CATSPERT: variants seen among roughly 807,000 people sequenced by gnomAD.
CATSPERT encodes the protein cation channel sperm-associated targeting subunit tau.
At chr2:201,563,360 C>CG in the CATSPERT span, among the ~76,000 whole-genome samples, 374 of 128,316 alleles carry the variant, frequency 2.9e-3, 19 homozygotes, top group African/African-American at 0.011. Flanking sequence ...GCTGGCCGGG[C>CG]GGGGGGCTTG....
At chr2:201,500,752 G>A in the CATSPERT span, among the ~76,000 whole-genome samples, 2 of 151,918 alleles carry the variant, frequency 1.3e-5, no homozygotes, top group Non-Finnish European at 1.5e-5. Context: ...ACGATTTAAG[G>A]CACTGTTTCT....
the CATSPERT span, among the ~76,000 whole-genome samples, chr2:201,608,205 T>C: frequency 6.6e-6 from 1 of 152,128 alleles, no homozygotes; most frequent in Non-Finnish European, 1.5e-5. Flanking sequence ...TGGAATGCAG[T>C]GGTACAATCA....
At chr2:201,528,804 A>G in the CATSPERT span, among the ~76,000 whole-genome samples, 1 of 152,260 alleles carries the variant, frequency 6.6e-6, no homozygotes, top group East Asian at 1.9e-4. Flanking sequence ...TACCTATTGG[A>G]TACAATATTT....
chr2:201,498,477 T>A, the CATSPERT span, among the ~76,000 whole-genome samples: 1 of 152,256 alleles, frequency 6.6e-6, no homozygotes, highest in South Asian at 2.1e-4. Context: ...TTGTTCTAGC[T>A]GAGCTGGCAC....
At chr2:201,598,771 G>C in the CATSPERT span, among the ~76,000 whole-genome samples, 81 of 152,136 alleles carry the variant, frequency 5.3e-4, no homozygotes, top group Non-Finnish European at 9.0e-4. Context: ...TAGTAGAGAC[G>C]GGTTTCACCA....
At chr2:201,563,477 C>T in the CATSPERT span, among the ~76,000 whole-genome samples, 1 of 129,436 alleles carries the variant, frequency 7.7e-6, no homozygotes, top group South Asian at 3.0e-4. Flanking sequence ...TGACCCCCCA[C>T]CTCCCTCCCG....
chr2:201,594,874 ATTC>A, the CATSPERT span, among the ~76,000 whole-genome samples: 380 of 152,238 alleles, frequency 2.5e-3, 2 homozygotes, highest in African/African-American at 8.3e-3. Flanking sequence ...CTAGTTATAC[ATTC>A]TTCTAAATTT....
the CATSPERT span, among the ~76,000 whole-genome samples, chr2:201,605,547 T>A: frequency 6.6e-6 from 1 of 151,372 alleles, no homozygotes; most frequent in Non-Finnish European, 1.5e-5. Context: ...TTCATCCATT[T>A]AAAAAAAAAC....
chr2:201,508,533 A>G, the CATSPERT span, among the ~76,000 whole-genome samples: 1 of 152,324 alleles, frequency 6.6e-6, no homozygotes, highest in East Asian at 1.9e-4. Context: ...CAATAGTGTT[A>G]AGTATATTCA....
chr2:201,496,671 C>T, the CATSPERT span, among the ~76,000 whole-genome samples: 2 of 152,174 alleles, frequency 1.3e-5, no homozygotes, highest in African/African-American at 2.4e-5. Context: ...GATTATCAAC[C>T]TGTCACTGTT....
the CATSPERT span, among the ~76,000 whole-genome samples, chr2:201,547,050 T>A: frequency 0.42 from 63,939 of 151,862 alleles, 14,083 homozygotes; most frequent in East Asian, 0.75. Context: ...TGATTCCATT[T>A]ATATGAAATG....
chr2:201,542,492 G>A, the CATSPERT span, among the ~76,000 whole-genome samples: 3 of 152,126 alleles, frequency 2.0e-5, no homozygotes. Context: ...CCCCAACAGT[G>A]TACTAGGGTT....
chr2:201,560,277 A>T, the CATSPERT span, among the ~76,000 whole-genome samples: 5 of 151,780 alleles, frequency 3.3e-5, no homozygotes. Context: ...AAAATACAAA[A>T]ATTAGGCTTG....
the CATSPERT span, chr2:201,496,006 T>A: frequency 1.5e-6 from 2 of 1,312,406 alleles, no homozygotes; most frequent in Non-Finnish European, 2.2e-6. Flanking sequence ...AGATTACTTG[T>A]AATATAAGAA....
chr2:201,616,891 A>G, the CATSPERT span, among the ~76,000 whole-genome samples: 1 of 152,216 alleles, frequency 6.6e-6, no homozygotes, highest in East Asian at 1.9e-4. Flanking sequence ...TGCAAAAATC[A>G]CAAGCATTCC....
chr2:201,547,682 G>A, the CATSPERT span: 1 of 725,332 alleles, frequency 1.4e-6, no homozygotes, highest in Non-Finnish European at 2.1e-6. Context: ...ATTCACAGAA[G>A]AATACTTGCA....
the CATSPERT span, among the ~76,000 whole-genome samples, chr2:201,560,264 GTAAAAATACAAAAATTAGGCT>G: frequency 6.6e-6 from 1 of 151,682 alleles, no homozygotes; most frequent in South Asian, 2.1e-4. Context: ...CCTGTCTCTA[GTAAAAATACAAAAATTAGGCT>G]TGGTGGCTCA....
the CATSPERT span, among the ~76,000 whole-genome samples, chr2:201,528,322 A>C: frequency 6.6e-6 from 1 of 152,208 alleles, no homozygotes; most frequent in Non-Finnish European, 1.5e-5. Context: ...GTAAATGTAA[A>C]TTACTTCACC....
At chr2:201,539,511 G>GTTTTT in the CATSPERT span, among the ~76,000 whole-genome samples, 3 of 89,738 alleles carry the variant, frequency 3.3e-5, no homozygotes, top group Admixed American at 1.3e-4. Context: ...TTTTAACGAG[G>GTTTTT]TTTTTTTTTT....
Sources: gnomAD v4.1 joint callset for allele counts (sites outside exome capture counted in the v4.1 genomes callset) on GRCh38, gnomAD v4.1.1 for gene constraint, MANE v1.5 for transcripts, NCBI Gene and HGNC (gene_info 2026-07-23, HGNC 2026-07-21) for gene names.